Variants in SLFN11 observed in about 807,000 individuals in gnomAD.
SLFN11 encodes schlafen family member 11.
Under a neutral mutation model 53.4 loss-of-function variants are expected in SLFN11, and 43 were observed. The observed-to-expected ratio is 0.80, with a 90% CI of 0.63 to 1.04. SLFN11 has a LOEUF of 1.04. SLFN11 is among the 50% of genes least tolerant of loss of function. The pLI is 0.00. For missense variants in SLFN11, 990 were observed against 1,079.1 expected, an observed-to-expected ratio of 0.92 and a Z score of 1.16; for synonymous variants, 389 against 394.7, an observed-to-expected ratio of 0.99 and a Z score of 0.17.
chr17:35,365,388 A>G (rs1452784100), intron 3 of SLFN11, among the ~76,000 whole-genome samples: 3 of 152,046 alleles, frequency 2.0e-5, no homozygotes, highest in African/African-American at 7.2e-5. Context: ...GGCTCAAGTG[A>G]TCCTCCCACC....
Position 35,363,826 on chromosome 17 carries a change from A to T in SLFN11, c.-19T>A. 6.5e-7 allele frequency: 1 copy of T among 1,538,558 alleles called. No homozygotes were observed. The highest frequency in any genetic ancestry group is 1.3e-5 in the South Asian group (1 of 77,634). On this transcript the variant is annotated splice_region_variant and 5_prime_UTR_variant, in exon 4 of 7. Coordinates refer to ENST00000685675, the MANE Select transcript of SLFN11 (RefSeq NM_001376007.1). ...CCTCCATGTTGAACTCACAGCTGAAACTATTAGAAGAAATGAAGTGTTACA... is the reference window on the plus strand; with the variant it reads ...CCTCCATGTTGAACTCACAGCTGAATCTATTAGAAGAAATGAAGTGTTACA...
At chr17:35,360,701 C>G (rs1339134382) in intron 4 of SLFN11, among the ~76,000 whole-genome samples, 1 of 152,108 alleles carries the variant, frequency 6.6e-6, no homozygotes, top group East Asian at 1.9e-4. Flanking sequence ...GTGCATGTAT[C>G]TTGTTTTACA....
chr17:35,353,126 A>T lies in SLFN11; in HGVS notation c.1936T>A (p.Cys646Ser), dbSNP rs1906964096. The change falls in exon 7 of 7, where the codon TGC becomes AGC. Residue 646 changes from cysteine (C) to serine (S), a missense_variant. Physicochemically the swap from Cys to Ser is moderately radical, Grantham distance 112. Around this residue, in one of 3 missense-constraint regions of SLFN11, gnomAD observed 313 missense variants for 320.9 expected, o/e 0.98. Transcript: ENST00000685675. ...AAAGTTTTCCGGGTCTCTGCTCGGC[A>T]GATATTTCTATCACTGTAAAAATTA... Reference protein sequence around the residue: ...LRNFISDRNICRAETRKTFLR... With the variant: ...LRNFISDRNISRAETRKTFLR... 6 of 1,612,958 alleles carry T rather than the reference A, an allele frequency of 3.7e-6. No homozygotes were observed. The highest frequency in any genetic ancestry group is 5.1e-6 in the Non-Finnish European group (6 of 1,179,568).
At chr17:35,365,565 G>A (rs1377623396) in intron 3 of SLFN11, among the ~76,000 whole-genome samples, 1 of 152,104 alleles carries the variant, frequency 6.6e-6, no homozygotes, top group African/African-American at 2.4e-5. Flanking sequence ...AAGTGCTAGG[G>A]ATTATAGGCA....
intron 3 of SLFN11, among the ~76,000 whole-genome samples, chr17:35,364,181 T>G (rs146413067): frequency 8.2e-4 from 125 of 152,228 alleles, no homozygotes; most frequent in African/African-American, 2.5e-3. Flanking sequence ...GTGGAGCGCA[T>G]GAAGGGCATG....
chr17:35,352,385 G>A lies in SLFN11; in HGVS notation c.2677C>T (p.Leu893=), dbSNP rs199736451. ...TGGCCACCCCACGGAAAAATATACA[G>A]GTGTTGTTTTGCCCTGGAAGCCAGA... ...ICLASRAKQH[L]YIFPWGGH is the part of the protein sequence containing the mutation. The change falls in exon 7 of 7, where the codon CTG becomes TTG. Residue 893 remains leucine (L), a synonymous_variant. Transcript: ENST00000685675. 6.2e-7 allele frequency: 1 copy of A among 1,614,200 alleles called. No homozygotes were observed. Among genetic ancestry groups the A allele is most frequent in the East Asian group, 2.2e-5 (1 of 44,886 alleles).
At chr17:35,370,532 A>T (rs1909511791) in intron 1 of SLFN11, among the ~76,000 whole-genome samples, 1 of 152,148 alleles carries the variant, frequency 6.6e-6, no homozygotes, top group Non-Finnish European at 1.5e-5. Context: ...AAGAAGTCAA[A>T]TTGTCCTTGT....
rs752608049 is a variant in SLFN11 at position 35,352,934 on chromosome 17, A to T, written c.2128T>A (p.Leu710Met). Residue 710 changes from leucine to methionine, a missense_variant, in exon 7 of 7, where the codon TTG (leucine) becomes ATG (methionine). Around this residue, in one of 3 missense-constraint regions of SLFN11, gnomAD observed 313 missense variants for 320.9 expected, o/e 0.98. Transcript: ENST00000685675. ...AGAGGAGGGAGGCCACTGCAATCCA[A>T]GTGGCTGGTCTGAAAGTAATCCAGA... Reference protein sequence around the residue: ...IFLDYFQTSHLDCSGLPPLSD... With the variant: ...IFLDYFQTSHMDCSGLPPLSD... 3.1e-6 allele frequency: 5 copies of T among 1,614,228 alleles called. No homozygotes were observed. In the East Asian group the frequency reaches 1.1e-4, roughly 36 times the overall value.
rs574747045 is a variant in SLFN11 at position 35,370,424 on chromosome 17, A to G, written c.-234-2724T>C. The stretch of plus-strand genomic sequence containing the variant: ...CCTTTCCTCTAAGATCTGGAACACT[A>G]TAAGGATCCTCACTTTCACCATTGT... On this transcript the variant is annotated intron_variant, in intron 1 of 6. Coordinates refer to ENST00000685675, the MANE Select transcript of SLFN11 (RefSeq NM_001376007.1). 7.2e-5 allele frequency among the ~76,000 whole-genome samples: 11 copies of G among 152,250 alleles called. No individual in the cohort carries two copies. The South Asian group carries it at 2.1e-3, about 29-fold the overall frequency.
Position 35,360,268 on chromosome 17 carries a change from C to T in SLFN11, c.1173G>A (p.Lys391=), listed in dbSNP as rs1026606463. ...CTGAAAATAAAAGTTGCTGGAGTTC[C>T]TTTTTATGTTCCAGGCCTTTCTTGG... ...VYSKKGLEHK[K]ELQQLLFSVP... is the part of the protein sequence containing the mutation. The change falls in exon 5 of 7, where the codon AAG becomes AAA. Residue 391 remains lysine, a synonymous_variant. Transcript: ENST00000685675. 2 of 1,609,920 alleles carry T rather than the reference C, an allele frequency of 1.2e-6. No individual in the cohort carries two copies. The highest frequency in any genetic ancestry group is 2.2e-5 in the South Asian group (2 of 90,348).
At chr17:35,360,659 T>C (rs985688020) in intron 4 of SLFN11, among the ~76,000 whole-genome samples, 2 of 152,152 alleles carry the variant, frequency 1.3e-5, no homozygotes, top group Admixed American at 6.5e-5. Context: ...ACCTGTTACG[T>C]TACCTAGCTC....
At chr17:35,357,799 T>C (rs1882656115) in intron 5 of SLFN11, among the ~76,000 whole-genome samples, 1 of 143,916 alleles carries the variant, frequency 6.9e-6, no homozygotes, top group African/African-American at 2.5e-5. Context: ...AACATAAAAA[T>C]ATAATATAAA....
In SLFN11 at chr17:35,350,880, A is replaced by T. The variant is rs987107253; in HGVS notation, c.*1476T>A. 2.0e-5 allele frequency: 3 copies of T among 152,238 alleles called. No individual in the cohort carries two copies. Among genetic ancestry groups the T allele is most frequent in the African/African-American group, 7.2e-5 (3 of 41,464 alleles). The allele number at this position is 152,238 out of a possible 1,614,324, so 9.4% of individuals were successfully genotyped here. ...GTCATATGATTTCTTAGTTTCCATT[A>T]GTTATGCAAATATTTTACTGTTAAT... On this transcript the variant is annotated 3_prime_UTR_variant, in exon 7 of 7. Transcript: ENST00000685675.
chr17:35,371,106 T>C (rs937971780), intron 1 of SLFN11, among the ~76,000 whole-genome samples: 1 of 152,042 alleles, frequency 6.6e-6, no homozygotes, highest in African/African-American at 2.4e-5. Flanking sequence ...AGCATGATAC[T>C]GACATTAAAA....
rs570676515 is a variant in SLFN11, at chr17:35,351,915, G to T, written c.*441C>A. 56 of 164,088 alleles carry T rather than the reference G, an allele frequency of 3.4e-4. 1 individual carries two copies. The South Asian group carries it at 0.01, about 29-fold the overall frequency. 10.2% of individuals were successfully genotyped at this position (164,088 alleles called of 1,614,324 possible). On this transcript the variant is annotated 3_prime_UTR_variant, in exon 7 of 7. Transcript: ENST00000685675. Reference sequence around the variant, plus strand: ...TTCAGGAAACAATTGCTTCTGCTACGGCCAGTAAGCTCCTAACAGACCATG... The same window carrying T: ...TTCAGGAAACAATTGCTTCTGCTACTGCCAGTAAGCTCCTAACAGACCATG...
At chr17:35,358,688 G>A (rs920501027) in intron 5 of SLFN11, among the ~76,000 whole-genome samples, 1 of 151,992 alleles carries the variant, frequency 6.6e-6, no homozygotes, top group Non-Finnish European at 1.5e-5. Context: ...TAGATACACA[G>A]AAATGATGAA....
chr17:35,365,487 T>C lies in SLFN11; in HGVS notation c.-20+1460A>G, dbSNP rs931333479. On this transcript the variant is annotated intron_variant, in intron 3 of 6. Coordinates refer to ENST00000685675, the MANE Select transcript of SLFN11 (RefSeq NM_001376007.1). ...ATTTTTTTTTTTGTAGAGATGGGGG[T>C]CTCCCCATGTTGCCCAGGCTGGTCT... Among the ~76,000 whole-genome samples the C allele has an allele frequency of 6.6e-5, 10 of 150,920 alleles. 1 individual carries two copies. The highest frequency in any genetic ancestry group is 1.0e-4 in the Non-Finnish European group (7 of 67,752).
At chr17:35,366,060 C>G (rs1340240867) in intron 3 of SLFN11, among the ~76,000 whole-genome samples, 1 of 152,088 alleles carries the variant, frequency 6.6e-6, no homozygotes, top group Non-Finnish European at 1.5e-5. Flanking sequence ...CTTTGCACTT[C>G]TGGAATTCTG....
At chr17:35,369,609 T>C (rs1289771621) in intron 1 of SLFN11, among the ~76,000 whole-genome samples, 2 of 151,876 alleles carry the variant, frequency 1.3e-5, no homozygotes, top group East Asian at 3.9e-4. Context: ...ATAAACAAAA[T>C]TGACAAACCT....
Sources: allele counts gnomAD v4.1 joint callset (sites outside exome capture counted in the v4.1 genomes callset), GRCh38; gene constraint gnomAD v4.1.1; regional missense constraint gnomAD v4.1.1; transcripts MANE v1.5; gene names NCBI Gene and HGNC (gene_info 2026-07-23, HGNC 2026-07-21).